CDH1: variants seen among roughly 807,000 people sequenced by gnomAD.
CDH1 encodes the protein cadherin 1, also known as cadherin-1.
A neutral mutation model predicts 84.5 loss-of-function variants in CDH1; 35 were observed. That is an observed-to-expected ratio of 0.41 (90% CI 0.32 to 0.55). The LOEUF is 0.55. Ranked by LOEUF, CDH1 falls within the 20% of genes least tolerant of loss-of-function variation. The pLI is 0.19. For missense variants in CDH1, 994 were observed against 1,126.6 expected (o/e 0.88, Z 1.68); for synonymous variants, 417 against 439.0 (o/e 0.95, Z 0.63).
At chr16:68,827,308 C>T (rs1961346500) in intron 13 of CDH1, among the ~76,000 whole-genome samples, 1 of 151,648 alleles carries the variant, frequency 6.6e-6, no homozygotes, top group South Asian at 2.1e-4. Context: ...AAAGATTATG[C>T]TTCATAGGGT....
chr16:68,740,647 G>C (rs1962540509), intron 2 of CDH1, among the ~76,000 whole-genome samples: 1 of 151,972 alleles, frequency 6.6e-6, no homozygotes, highest in Non-Finnish European at 1.5e-5. Flanking sequence ...GGGTTGGTCT[G>C]GTTTTTATTT....
At chr16:68,790,020 C>T (rs1463123673) in intron 2 of CDH1, among the ~76,000 whole-genome samples, 2 of 152,212 alleles carry the variant, frequency 1.3e-5, no homozygotes, top group African/African-American at 4.8e-5. Context: ...CACACCATTG[C>T]ACTCCAGCCT....
intron 2 of CDH1, among the ~76,000 whole-genome samples, chr16:68,747,798 C>T (rs1962781762): frequency 6.6e-6 from 1 of 152,166 alleles, no homozygotes; most frequent in Admixed American, 6.6e-5. Context: ...GAATCTTGCT[C>T]TATTGTCCAG....
rs587781778 is a variant in CDH1, at chr16:68,811,831, G to A, written c.980G>A (p.Ser327Asn). The A allele has an allele frequency of 6.2e-7, 1 of 1,614,202 alleles. No homozygotes were observed. The highest frequency in any genetic ancestry group is 8.5e-7 in the Non-Finnish European group (1 of 1,180,044). The change falls in exon 7 of 16, where the codon AGT becomes AAT. Residue 327 changes from serine to asparagine, a missense_variant. Physicochemically the swap from Ser to Asn is conservative, Grantham distance 46. Coordinates refer to ENST00000261769, the MANE Select transcript of CDH1 (RefSeq NM_004360.5). ...FTINRNTGVI[S>N]VVTTGLDRES... ...ATTAACAGGAACACAGGAGTCATCA[G>A]TGTGGTCACCACTGGGCTGGACCGA...
intron 2 of CDH1, among the ~76,000 whole-genome samples, chr16:68,799,138 C>A (rs920901376): frequency 2.0e-5 from 3 of 152,188 alleles, no homozygotes; most frequent in Admixed American, 2.0e-4. Context: ...GGCCACCCAG[C>A]AAGAACATGG....
intron 2 of CDH1, among the ~76,000 whole-genome samples, chr16:68,797,429 TC>T (rs1960392460): frequency 6.6e-6 from 1 of 152,212 alleles, no homozygotes; most frequent in South Asian, 2.1e-4. Context: ...ACTTCTGTAA[TC>T]CCAGCACTTT....
Position 68,786,534 on chromosome 16 carries a change from C to CTTTTTTTTTT in CDH1, c.164-15126_164-15117dup, listed in dbSNP as rs3074434. ...CTTTCTGCTTTCTTTTTTTTTTTTT[C>CTTTTTTTTTT]TTTTTTTTTTTTTTTTTTTGGTATT... On this transcript the variant is annotated intron_variant, in intron 2 of 15. Transcript: ENST00000261769. Among the ~76,000 whole-genome samples the CTTTTTTTTTT allele has an allele frequency of 2.0e-3, 150 of 73,936 alleles. 14 individuals are homozygous for CTTTTTTTTTT. Among genetic ancestry groups the CTTTTTTTTTT allele is most frequent in the African/African-American group, 5.0e-3 (85 of 16,946 alleles). 48.5% of individuals were successfully genotyped at this position (73,936 alleles called of 152,430 possible). A position where few individuals can be genotyped will look rare whatever the true frequency, so the allele number is the denominator to read the frequency against.
chr16:68,775,220 C>T (rs1241643860), intron 2 of CDH1, among the ~76,000 whole-genome samples: 2 of 152,048 alleles, frequency 1.3e-5, no homozygotes, highest in East Asian at 3.8e-4. Flanking sequence ...TGTGTGCGTC[C>T]GAGCATGCAC....
At position 68,834,255 on chromosome 16, in the gene CDH1, G is replaced by A. The variant is rs372615363; in HGVS notation, c.*756G>A. The stretch of plus-strand genomic sequence containing the variant: ...AGACATGAGCCACTGCACCTGCCCA[G>A]CTCCCCAACTCCCTGCCATTTTTTA... On this transcript the variant is annotated 3_prime_UTR_variant, in exon 16 of 16. Transcript: ENST00000261769. 3.9e-6 allele frequency: 2 copies of A among 510,134 alleles called. No homozygotes were observed. Among genetic ancestry groups the A allele is most frequent in the African/African-American group, 1.9e-5 (1 of 52,456 alleles). 31.6% of individuals were successfully genotyped at this position (510,134 alleles called of 1,614,324 possible).
chr16:68,768,402 G>A (rs1177805416), intron 2 of CDH1, among the ~76,000 whole-genome samples: 1 of 152,228 alleles, frequency 6.6e-6, no homozygotes, highest in African/African-American at 2.4e-5. Context: ...TATGAGTTAA[G>A]CATAAATCTG....
chr16:68,769,592 A>G (rs1959491137), intron 2 of CDH1, among the ~76,000 whole-genome samples: 1 of 151,946 alleles, frequency 6.6e-6, no homozygotes, highest in African/African-American at 2.4e-5. Context: ...TATAAGCATG[A>G]GCCACTGTGC....
intron 2 of CDH1, among the ~76,000 whole-genome samples, chr16:68,757,171 C>T (rs1252233044): frequency 6.6e-6 from 1 of 152,132 alleles, no homozygotes; most frequent in South Asian, 2.1e-4. Flanking sequence ...TCACTGCAAC[C>T]TCCACCTCCC....
At chr16:68,754,976 G>C (rs1597852134) in intron 2 of CDH1, among the ~76,000 whole-genome samples, 1 of 152,076 alleles carries the variant, frequency 6.6e-6, no homozygotes, top group Admixed American at 6.6e-5. Flanking sequence ...GAAGAAGTGA[G>C]GTGCTCAATA....
chr16:68,739,178 G>A (rs988162644), intron 2 of CDH1, among the ~76,000 whole-genome samples: 1 of 151,808 alleles, frequency 6.6e-6, no homozygotes, highest in Non-Finnish European at 1.5e-5. Context: ...ACTTTGGGAG[G>A]CCGAGGTGGG....
rs864622644 is a variant in CDH1, at chr16:68,813,478, A to G, written c.1303A>G (p.Ile435Val). The G allele has an allele frequency of 1.5e-5, 24 of 1,614,228 alleles. No individual in the cohort carries two copies. Among genetic ancestry groups the G allele is most frequent in the Non-Finnish European group, 1.9e-5 (23 of 1,180,036 alleles). Reference sequence around the variant, plus strand: ...CACAAATCCAGTGAACAACGATGGCATTTTGAAAACAGCAAAGGTTTGTAT... The same window carrying G: ...CACAAATCCAGTGAACAACGATGGCGTTTTGAAAACAGCAAAGGTTTGTAT... Reference protein sequence around the residue: ...VTTNPVNNDGILKTAKGLDFE... With the variant: ...VTTNPVNNDGVLKTAKGLDFE... Residue 435 changes from isoleucine (I) to valine (V), a missense_variant, in exon 9 of 16, where the codon ATT (isoleucine) becomes GTT (valine). Coordinates refer to ENST00000261769, the MANE Select transcript of CDH1 (RefSeq NM_004360.5).
rs36003969 is a variant in CDH1 at position 68,737,623 on chromosome 16, C to T, written c.48+160C>T. 2.9e-3 allele frequency among the ~76,000 whole-genome samples: 440 copies of T among 152,296 alleles called. 1 individual carries two copies. The highest frequency in any genetic ancestry group is 0.01 in the African/African-American group (417 of 41,570). The stretch of plus-strand genomic sequence containing the variant: ...CCTGGAAGCCTCGCGCGCTCCGGAC[C>T]CCCCAGTGATGGGAGTGGGGGGTGG... On this transcript the variant is annotated intron_variant, in intron 1 of 15. Coordinates refer to ENST00000261769, the MANE Select transcript of CDH1 (RefSeq NM_004360.5).
chr16:68,786,534 CTTTTTTTT>C (rs3074434), intron 2 of CDH1, among the ~76,000 whole-genome samples: 10 of 73,946 alleles, frequency 1.4e-4, no homozygotes, highest in Middle Eastern at 0.012. Context: ...TTTTTTTTTT[CTTTTTTTT>C]TTTTTTTTTT....
chr16:68,738,964 T>TA lies in CDH1; in HGVS notation c.163+556dup, dbSNP rs1555509829. On this transcript the variant is annotated intron_variant, in intron 2 of 15. Transcript: ENST00000261769. ...TTTTTTTTTTTTTTTTTTTTTTTTT[T>TA]AAAGACAGGGTCTTGCTCTGTTGCC... Among the ~76,000 whole-genome samples the TA allele has an allele frequency of 2.8e-4, 18 of 65,408 alleles. 4 individuals carry two copies. The South Asian group carries it at 5.8e-3, about 21-fold the overall frequency. 42.9% of individuals were successfully genotyped at this position (65,408 alleles called of 152,430 possible).
At chr16:68,828,361 T>C in intron 14 of CDH1, 57 bp downstream of exon 14, 1 of 1,590,992 alleles carries the variant, frequency 6.3e-7, no homozygotes, top group South Asian at 1.1e-5. Context: ...GAAGAAGCAA[T>C]GATTAGTAAG....
Sources: allele counts gnomAD v4.1 joint callset (sites outside exome capture counted in the v4.1 genomes callset), GRCh38; gene constraint gnomAD v4.1.1; transcripts MANE v1.5; gene names NCBI Gene and HGNC (gene_info 2026-07-23, HGNC 2026-07-21).